The following DMD variants were observed in gnomAD, a reference collection of about 807,000 sequenced individuals.
DMD encodes the protein mutant dystrophin.
A neutral mutation model predicts 330.1 loss-of-function variants in DMD; 63 were observed. That is an observed-to-expected ratio of 0.19 (90% CI 0.16 to 0.24). The LOEUF (loss-of-function observed/expected upper bound fraction) is 0.24, where lower values mean the gene tolerates loss of function less well. Among genes scored for constraint, DMD ranks in the 10% least tolerant of loss-of-function variants. DMD has a pLI of 1.00. For missense variants in DMD, 3,344 were observed against 2,684.1 expected (o/e 1.25, Z -5.43); for synonymous variants, 1,223 against 959.8 (o/e 1.27, Z -5.07).
intron 11 of DMD, among the ~76,000 whole-genome samples, chrX:32,616,343 T>G (rs1207305264): frequency 9.0e-6 from 1 of 111,083 alleles, no homozygotes; most frequent in African/African-American, 3.3e-5. Context: ...AGAAGTTACA[T>G]AAGTTTTTGG....
At chrX:31,541,687 A>G (rs1356341185) in intron 55 of DMD, among the ~76,000 whole-genome samples, 1 of 110,798 alleles carries the variant, frequency 9.0e-6, no homozygotes, top group Non-Finnish European at 1.9e-5. Flanking sequence ...TTATGGCTGC[A>G]TAGTATTCCA....
intron 51 of DMD, among the ~76,000 whole-genome samples, chrX:31,738,976 C>CA (rs1309599482): frequency 3.6e-5 from 4 of 111,087 alleles, no homozygotes; most frequent in African/African-American, 1.3e-4. Context: ...TTACTGGGTA[C>CA]AAAAAATTAG....
intron 2 of DMD, among the ~76,000 whole-genome samples, chrX:32,958,844 C>T (rs12845685): frequency 0.37 from 40,781 of 109,188 alleles, 6,710 homozygotes; most frequent in African/African-American, 0.64. Flanking sequence ...TACATTATTA[C>T]GATTGCAATA....
intron 50 of DMD, among the ~76,000 whole-genome samples, chrX:31,798,271 ATGAGTATTTTTTT>A (rs2091916092): frequency 9.0e-6 from 1 of 110,852 alleles, no homozygotes; most frequent in African/African-American, 3.3e-5. Flanking sequence ...CAGGAAGAAG[ATGAGTATTTTTTT>A]TTTTCAAAGC....
chrX:31,347,983 T>A (rs1261095304), intron 61 of DMD, among the ~76,000 whole-genome samples: 1 of 112,152 alleles, frequency 8.9e-6, no homozygotes, highest in East Asian at 2.8e-4. Context: ...TGTTGAGCAT[T>A]TTTTCATATA....
In DMD at chrX:32,120,015, T is replaced by C. The variant is rs138710336; in HGVS notation, c.6438+96901A>G. On this transcript the variant is annotated intron_variant, in intron 44 of 78. Coordinates refer to ENST00000357033, the MANE Select transcript of DMD (RefSeq NM_004006.3). ...CTTTCATCTCTTTATCACCAGCATATTGCACAGTTCCTACCTATAGTTGAT... is the reference window on the plus strand; with the variant it reads ...CTTTCATCTCTTTATCACCAGCATACTGCACAGTTCCTACCTATAGTTGAT... Among the ~76,000 whole-genome samples, 929 of 112,140 alleles carry C rather than the reference T, an allele frequency of 8.3e-3. 11 individuals are homozygous for C. Among genetic ancestry groups the C allele is most frequent in the African/African-American group, 0.029 (882 of 30,906 alleles).
intron 2 of DMD, among the ~76,000 whole-genome samples, chrX:32,857,647 G>C (rs182184818): frequency 8.9e-6 from 1 of 112,037 alleles, no homozygotes; most frequent in South Asian, 3.7e-4. Flanking sequence ...GAAAGTTGAA[G>C]TCTGTCAGAC....
At chrX:32,742,538 C>T (rs986907901) in intron 7 of DMD, among the ~76,000 whole-genome samples, 1 of 111,411 alleles carries the variant, frequency 9.0e-6, no homozygotes, top group African/African-American at 3.3e-5. Flanking sequence ...CTGGGCAAGG[C>T]CGAAGCATGA....
At chrX:32,604,683 T>G (rs1210195418) in intron 12 of DMD, among the ~76,000 whole-genome samples, 1 of 110,328 alleles carries the variant, frequency 9.1e-6, no homozygotes. Context: ...GGACCCTATA[T>G]TTGATAAATG....
chrX:31,339,271 G>C (rs935465332), intron 61 of DMD, among the ~76,000 whole-genome samples: 1 of 111,815 alleles, frequency 8.9e-6, no homozygotes, highest in East Asian at 2.8e-4. Flanking sequence ...ATACATTTGA[G>C]CTAAAGGAGA....
intron 29 of DMD, among the ~76,000 whole-genome samples, chrX:32,421,214 A>T (rs2098188238): frequency 8.9e-6 from 1 of 112,338 alleles, no homozygotes; most frequent in African/African-American, 3.2e-5. Context: ...CTGTCATCTT[A>T]CTTATCCACA....
At chrX:32,384,752 C>G (rs2097946810) in intron 33 of DMD, among the ~76,000 whole-genome samples, 1 of 110,606 alleles carries the variant, frequency 9.0e-6, no homozygotes, top group Non-Finnish European at 1.9e-5. Flanking sequence ...ATATTTCTGT[C>G]TAAGATGAGG....
chrX:32,445,572 A>T (rs2098300110), intron 27 of DMD, among the ~76,000 whole-genome samples: 1 of 110,936 alleles, frequency 9.0e-6, no homozygotes, highest in Non-Finnish European at 1.9e-5. Context: ...AATAACTAAA[A>T]GTGAATAAAA....
At chrX:31,893,224 C>T (rs752831143) in intron 47 of DMD, among the ~76,000 whole-genome samples, 1 of 111,821 alleles carries the variant, frequency 8.9e-6, no homozygotes, top group Admixed American at 9.5e-5. Context: ...TTTAAGCAAG[C>T]GTATGAAGGA....
intron 61 of DMD, among the ~76,000 whole-genome samples, chrX:31,338,161 C>T (rs143398600): frequency 0.012 from 1,301 of 109,108 alleles, 20 homozygotes; most frequent in African/African-American, 0.041. Context: ...CTAATTCACA[C>T]GGGAAAATAA....
In DMD at chrX:32,565,740, C is replaced by A. The variant is rs1488881909; in HGVS notation, c.1954G>T (p.Asp652Tyr). The A allele has an allele frequency of 3.4e-5, 41 of 1,209,892 alleles. No individual in the cohort carries two copies. Among genetic ancestry groups the A allele is most frequent in the Non-Finnish European group, 4.5e-5 (40 of 895,210 alleles). ...TTTTCAAGTTTTTGGACTAAATTAT[C>A]CCAACACCGGGCAAAGTTATCCAGC... The part of the protein sequence containing the change: ...AWLDNFARCW[D>Y]NLVQKLEKST... The change falls in exon 16 of 79, where the codon GAT becomes TAT. Residue 652 changes from aspartate to tyrosine, a missense_variant. Physicochemically the swap from Asp to Tyr is radical, Grantham distance 160. Coordinates refer to ENST00000357033, the MANE Select transcript of DMD (RefSeq NM_004006.3).
At chrX:32,450,198 T>C (rs2098324269) in intron 26 of DMD, among the ~76,000 whole-genome samples, 1 of 110,554 alleles carries the variant, frequency 9.0e-6, no homozygotes, top group African/African-American at 3.3e-5. Flanking sequence ...CTGCATACAA[T>C]GCGGTGGTTA....
At chrX:32,022,825 C>CTTT (rs753993138) in intron 44 of DMD, among the ~76,000 whole-genome samples, 2,223 of 90,322 alleles carry the variant, frequency 0.025, 90 homozygotes, top group African/African-American at 0.09. Flanking sequence ...GTATAATCCT[C>CTTT]TTTTTTTTTT....
At chrX:31,535,634 A>G (rs1357097992) in intron 55 of DMD, among the ~76,000 whole-genome samples, 1 of 111,221 alleles carries the variant, frequency 9.0e-6, no homozygotes, top group Non-Finnish European at 1.9e-5. Context: ...CAAAATTGAC[A>G]AATGGTTTCT....
Sources: allele counts gnomAD v4.1 joint callset (sites outside exome capture counted in the v4.1 genomes callset), GRCh38; gene constraint gnomAD v4.1.1; transcripts MANE v1.5; gene names NCBI Gene and HGNC (gene_info 2026-07-23, HGNC 2026-07-21).